The following LCMT1 variants were observed in gnomAD, a reference collection of about 807,000 sequenced individuals.
The protein encoded by LCMT1 is leucine carboxyl methyltransferase 1.
In LCMT1, 32 loss-of-function variants were observed where a neutral mutation model predicts 47.7. That is an observed-to-expected ratio of 0.67 (90% CI 0.51 to 0.90). The LOEUF is 0.90. Among genes scored for constraint, LCMT1 ranks in the 40% least tolerant of loss-of-function variants. The pLI, the probability that LCMT1 is intolerant of heterozygous loss-of-function variation, is 0.00. For synonymous variants in LCMT1, 152 were observed against 149.7 expected (o/e 1.02, Z -0.11); for missense variants, 375 against 415.2 (o/e 0.90, Z 0.84).
intron 7 of LCMT1, among the ~76,000 whole-genome samples, chr16:25,167,357 G>A (rs557956261): frequency 8.7e-5 from 13 of 149,486 alleles, no homozygotes; most frequent in South Asian, 2.1e-4. Context: ...TCGTTCTGTC[G>A]CCCAGGCTGG....
chr16:25,116,330 T>C (rs1959783404), intron 1 of LCMT1, among the ~76,000 whole-genome samples: 1 of 152,212 alleles, frequency 6.6e-6, no homozygotes, highest in Non-Finnish European at 1.5e-5. Context: ...TTCTATCAGC[T>C]GGGAGAAAGA....
chr16:25,136,017 G>A (rs557945268), intron 3 of LCMT1, among the ~76,000 whole-genome samples: 3 of 151,404 alleles, frequency 2.0e-5, no homozygotes, highest in Admixed American at 1.3e-4. Context: ...CCTGAGCCCC[G>A]GAGGTCGAGA....
intron 4 of LCMT1, chr16:25,141,982 T>C (rs1452269119): frequency 6.6e-6 from 1 of 152,262 alleles, no homozygotes; most frequent in South Asian, 2.1e-4. Context: ...ATGTGTGATA[T>C]TATGAACTGT....
At chr16:25,141,275 A>G (rs1284351757) in intron 4 of LCMT1, 1 of 152,244 alleles carries the variant, frequency 6.6e-6, no homozygotes, top group Non-Finnish European at 1.5e-5. Flanking sequence ...GTATCCACTG[A>G]TGGAGCCCCA....
At chr16:25,115,472 G>A (rs1959757549) in intron 1 of LCMT1, among the ~76,000 whole-genome samples, 1 of 152,132 alleles carries the variant, frequency 6.6e-6, no homozygotes, top group Admixed American at 6.5e-5. Context: ...CCTCAACTGT[G>A]CCCTTAACAG....
intron 9 of LCMT1, among the ~76,000 whole-genome samples, chr16:25,171,636 C>T (rs757164233): frequency 4.6e-5 from 7 of 152,166 alleles, no homozygotes; most frequent in Non-Finnish European, 1.0e-4. Context: ...ATAATCCCTG[C>T]TTTGGAGAGG....
chr16:25,151,412 A>G, intron 4 of LCMT1, 142 bp from the exon 5 acceptor site: 3 of 667,716 alleles, frequency 4.5e-6, no homozygotes, highest in East Asian at 5.5e-5. Flanking sequence ...AGCCCTTTTT[A>G]GAGGGGCCCC....
chr16:25,140,336 A>G, intron 4 of LCMT1, 89 bp downstream of exon 4: 1 of 1,019,780 alleles, frequency 9.8e-7, no homozygotes, highest in Admixed American at 2.2e-5. Context: ...CAGAGACTTC[A>G]CTTTAGGGTG....
chr16:25,141,299 G>A (rs1471756602), intron 4 of LCMT1: 1 of 152,252 alleles, frequency 6.6e-6, no homozygotes, highest in Admixed American at 6.5e-5. Flanking sequence ...GGTTTGAGCA[G>A]TAGAGTCATT....
At chr16:25,128,394 G>T in intron 1 of LCMT1, 81 bp from the exon 2 acceptor site, 1 of 1,014,612 alleles carries the variant, frequency 9.9e-7, no homozygotes. Flanking sequence ...TCCTTGATCT[G>T]GTTCCTGGGA....
chr16:25,160,645 A>G (rs1325310251), intron 5 of LCMT1: 2 of 450,536 alleles, frequency 4.4e-6, no homozygotes, highest in African/African-American at 2.0e-5. Context: ...AGATGGGGAA[A>G]ACTTAGAAAT....
chr16:25,154,853 C>T (rs1458420670), intron 5 of LCMT1, among the ~76,000 whole-genome samples: 3 of 152,060 alleles, frequency 2.0e-5, no homozygotes, highest in Non-Finnish European at 4.4e-5. Flanking sequence ...CATTCTTTTA[C>T]TTATCTTTTA....
Position 25,157,928 on chromosome 16 carries a change from T to C in LCMT1, c.467-3174T>C, listed in dbSNP as rs114020655. On this transcript the variant is annotated intron_variant, in intron 5 of 10. Transcript: ENST00000399069. ...AACACACTCAGCAGTTCTTTTTAATTAGTTGGGTTTAAACAGCTGAAGTAT... is the reference window on the plus strand; with the variant it reads ...AACACACTCAGCAGTTCTTTTTAATCAGTTGGGTTTAAACAGCTGAAGTAT... 5.9e-3 allele frequency among the ~76,000 whole-genome samples: 897 copies of C among 152,354 alleles called. 6 individuals are homozygous for C. Among genetic ancestry groups the C allele is most frequent in the African/African-American group, 0.02 (840 of 41,590 alleles).
intron 1 of LCMT1, among the ~76,000 whole-genome samples, chr16:25,114,971 A>C (rs1597553137): frequency 6.6e-6 from 1 of 151,872 alleles, no homozygotes; most frequent in African/African-American, 2.4e-5. Flanking sequence ...TCATGACTTC[A>C]CCTTAGGTGA....
intron 3 of LCMT1, among the ~76,000 whole-genome samples, chr16:25,136,383 A>T (rs1171899985): frequency 2.0e-5 from 3 of 151,982 alleles, no homozygotes; most frequent in Admixed American, 6.6e-5. Flanking sequence ...GGAGTGAAAT[A>T]TCAAAAGGGC....
At chr16:25,146,059 G>A (rs185672204) in intron 4 of LCMT1, 5 of 152,266 alleles carry the variant, frequency 3.3e-5, no homozygotes, top group East Asian at 1.9e-4. Flanking sequence ...AGGACATTCC[G>A]GGGGGCATAC....
intron 4 of LCMT1, among the ~76,000 whole-genome samples, chr16:25,149,332 T>C (rs1307096969): frequency 1.3e-5 from 2 of 152,202 alleles, no homozygotes; most frequent in African/African-American, 2.4e-5. Context: ...AGCCAAAAGA[T>C]TGGACACCCC....
intron 6 of LCMT1, among the ~76,000 whole-genome samples, chr16:25,162,653 C>A (rs564593620): frequency 6.6e-6 from 1 of 151,672 alleles, no homozygotes; most frequent in Admixed American, 6.6e-5. Flanking sequence ...TAATAGAACC[C>A]ACCTGTAAGT....
At chr16:25,162,173 T>C (rs1220624496) in intron 6 of LCMT1, among the ~76,000 whole-genome samples, 1 of 152,230 alleles carries the variant, frequency 6.6e-6, no homozygotes, top group Non-Finnish European at 1.5e-5. Flanking sequence ...ATGTTCATTG[T>C]AGTTCATGAG....
Sources: gnomAD v4.1 joint callset for allele counts (sites outside exome capture counted in the v4.1 genomes callset) on GRCh38, gnomAD v4.1.1 for gene constraint, MANE v1.5 for transcripts, NCBI Gene and HGNC (gene_info 2026-07-23, HGNC 2026-07-21) for gene names.